The following CSMD1 variants were observed in gnomAD, a reference collection of about 807,000 sequenced individuals.
CSMD1 encodes the protein CUB and Sushi multiple domains 1.
A neutral mutation model predicts 417.5 loss-of-function variants in CSMD1; 213 were observed. The observed-to-expected ratio is 0.51, with a 90% CI of 0.46 to 0.57. CSMD1 has a LOEUF of 0.57. CSMD1 is among the 20% of genes least tolerant of loss of function. The pLI is 0.00. For missense variants in CSMD1, 6,923 were observed against 4,529.7 expected, an observed-to-expected ratio of 1.53 and a Z score of -15.17; for synonymous variants, 2,862 against 1,736.8, an observed-to-expected ratio of 1.65 and a Z score of -16.11.
At chr8:3,862,495 C>T (rs1428401876) in intron 5 of CSMD1, among the ~76,000 whole-genome samples, 12 of 152,200 alleles carry the variant, frequency 7.9e-5, no homozygotes, top group Admixed American at 7.2e-4. Context: ...CAAAGTTCGC[C>T]TTTCCCAGAC....
At chr8:3,652,519 A>G (rs946510564) in intron 7 of CSMD1, among the ~76,000 whole-genome samples, 1 of 152,238 alleles carries the variant, frequency 6.6e-6, no homozygotes, top group African/African-American at 2.4e-5. Context: ...TAATGGACTC[A>G]CATTTCAGCA....
chr8:2,992,474 A>G (rs949303443), intron 54 of CSMD1, among the ~76,000 whole-genome samples: 24 of 151,890 alleles, frequency 1.6e-4, no homozygotes, highest in Middle Eastern at 3.4e-3. Flanking sequence ...GTCAGGCTGG[A>G]GTGCAGTGGC....
At chr8:4,704,847 G>A (rs528716784) in intron 1 of CSMD1, among the ~76,000 whole-genome samples, 33 of 152,196 alleles carry the variant, frequency 2.2e-4, no homozygotes, top group African/African-American at 6.0e-4. Flanking sequence ...TGCTGATGGG[G>A]CAAAACACCC....
intron 26 of CSMD1, among the ~76,000 whole-genome samples, chr8:3,283,287 G>T (rs971909571): frequency 3.3e-5 from 5 of 152,134 alleles, no homozygotes; most frequent in Non-Finnish European, 7.4e-5. Context: ...ATTACATAAA[G>T]AAAGTGTCAG....
intron 2 of CSMD1, among the ~76,000 whole-genome samples, chr8:4,425,846 T>C (rs1443600026): frequency 2.0e-5 from 3 of 152,136 alleles, no homozygotes; most frequent in Non-Finnish European, 2.9e-5. Flanking sequence ...TTTTAGTATA[T>C]GCAACGTTAC....
At chr8:4,208,966 C>A (rs779529348) in intron 3 of CSMD1, among the ~76,000 whole-genome samples, 1 of 152,306 alleles carries the variant, frequency 6.6e-6, no homozygotes, top group East Asian at 1.9e-4. Context: ...CAATTTAGAG[C>A]TGAAAAACCT....
intron 12 of CSMD1, among the ~76,000 whole-genome samples, chr8:3,443,683 T>G (rs1815132655): frequency 6.6e-6 from 1 of 152,186 alleles, no homozygotes; most frequent in Admixed American, 6.5e-5. Context: ...TAAAACAAAA[T>G]TATTTTAAAG....
At chr8:4,493,200 C>T (rs559651832) in intron 2 of CSMD1, among the ~76,000 whole-genome samples, 3 of 151,926 alleles carry the variant, frequency 2.0e-5, no homozygotes, top group Admixed American at 2.0e-4. Flanking sequence ...GCGTTATATA[C>T]CTACATTGGA....
intron 4 of CSMD1, among the ~76,000 whole-genome samples, chr8:4,022,975 G>C (rs149875342): frequency 6.6e-6 from 1 of 152,192 alleles, no homozygotes; most frequent in South Asian, 2.1e-4. Flanking sequence ...CAAATAAATA[G>C]CAGTATGGCA....
At chr8:3,879,608 T>G (rs1168051624) in intron 5 of CSMD1, among the ~76,000 whole-genome samples, 1 of 152,212 alleles carries the variant, frequency 6.6e-6, no homozygotes, top group Admixed American at 6.5e-5. Context: ...AGATTTGCTT[T>G]TATTAACTGG....
rs1404386784 is a variant in CSMD1, at chr8:3,838,850, ATTATATATAC to A, written c.819-84818_819-84809del. Among the ~76,000 whole-genome samples the A allele has an allele frequency of 3.7e-4, 45 of 120,382 alleles. 1 individual carries two copies. Among genetic ancestry groups the A allele is most frequent in the African/African-American group, 1.4e-3 (40 of 29,290 alleles). 79.0% of individuals were successfully genotyped at this position (120,382 alleles called of 152,430 possible). A position where few individuals can be genotyped will look rare whatever the true frequency, so the allele number is the denominator to read the frequency against. On this transcript the variant is annotated intron_variant, in intron 5 of 69. Coordinates refer to ENST00000635120, the MANE Select transcript of CSMD1 (RefSeq NM_033225.6). ...ATATATAATATTAATTATATATACT[ATTATATATAC>A]TATTAATTATATATAATATTAATTA...
chr8:3,386,202 T>A (rs1563334538), intron 18 of CSMD1, among the ~76,000 whole-genome samples: 1 of 152,166 alleles, frequency 6.6e-6, no homozygotes, highest in Non-Finnish European at 1.5e-5. Context: ...AAAGGAACCC[T>A]TTTGCATCTC....
chr8:4,115,510 G>C (rs1286448866), intron 3 of CSMD1, among the ~76,000 whole-genome samples: 1 of 151,938 alleles, frequency 6.6e-6, no homozygotes, highest in Non-Finnish European at 1.5e-5. Context: ...AAATTATCTT[G>C]AAAAAACGTA....
intron 2 of CSMD1, among the ~76,000 whole-genome samples, chr8:4,578,403 T>C (rs1281739401): frequency 1.4e-5 from 2 of 145,126 alleles, no homozygotes; most frequent in African/African-American, 5.1e-5. Flanking sequence ...ATGTTCTCGA[T>C]CTCCTGATCT....
At chr8:3,641,103 A>G (rs926384461) in intron 7 of CSMD1, among the ~76,000 whole-genome samples, 1 of 150,248 alleles carries the variant, frequency 6.7e-6, no homozygotes, top group Non-Finnish European at 1.5e-5. Context: ...AGCCTTAAGA[A>G]AGTTAGACTG....
At position 3,510,199 on chromosome 8, in the gene CSMD1, G is replaced by C. The variant is rs574644909; in HGVS notation, c.1345-16473C>G. On this transcript the variant is annotated intron_variant, in intron 10 of 69. Transcript: ENST00000635120. ...GCAAGTAGGGTGTGCTGTACTGTGG[G>C]GCTGGACATCAGGGAGTCGGCAGGA... 7.3e-5 allele frequency among the ~76,000 whole-genome samples: 11 copies of C among 149,762 alleles called. No homozygotes were observed. In the South Asian group the frequency reaches 2.3e-3, roughly 31 times the overall value.
intron 26 of CSMD1, among the ~76,000 whole-genome samples, chr8:3,236,488 G>A (rs1021768114): frequency 6.6e-6 from 1 of 152,160 alleles, no homozygotes. Flanking sequence ...TACATCGGTT[G>A]GGTCTTTGAA....
chr8:3,371,526 C>T (rs1053565137), intron 18 of CSMD1, among the ~76,000 whole-genome samples: 1 of 150,808 alleles, frequency 6.6e-6, no homozygotes, highest in Non-Finnish European at 1.5e-5. Flanking sequence ...TATATTTATA[C>T]TTCTTTTCTT....
intron 18 of CSMD1, among the ~76,000 whole-genome samples, chr8:3,384,930 A>C (rs1311546709): frequency 9.1e-6 from 1 of 110,406 alleles, no homozygotes; most frequent in East Asian, 2.3e-4. Flanking sequence ...ATATGCTAAT[A>C]TAATATATAA....
Sources: gnomAD v4.1 joint callset for allele counts (sites outside exome capture counted in the v4.1 genomes callset) on GRCh38, gnomAD v4.1.1 for gene constraint, MANE v1.5 for transcripts, NCBI Gene and HGNC (gene_info 2026-07-23, HGNC 2026-07-21) for gene names.